CAMK4: variants seen among roughly 807,000 people sequenced by gnomAD.
CAMK4 encodes calcium/calmodulin dependent protein kinase IV, also known as calcium/calmodulin-dependent protein kinase type IV.
In CAMK4, 22 loss-of-function variants were observed where a neutral mutation model predicts 44.9. The observed-to-expected ratio is 0.49, with a 90% confidence interval of 0.35 to 0.70. CAMK4 has a LOEUF of 0.70. Among genes scored for constraint, CAMK4 ranks in the 30% least tolerant of loss-of-function variants. The pLI is 0.01. For synonymous variants in CAMK4, 218 were observed against 215.4 expected (o/e 1.01, Z -0.11); for missense variants, 498 against 586.8 (o/e 0.85, Z 1.56).
At chr5:111,395,211 CAAAAAAAAAAAAAAAAGAAA>C (rs1418963982) in intron 5 of CAMK4, among the ~76,000 whole-genome samples, 4,936 of 90,676 alleles carry the variant, frequency 0.054, 293 homozygotes, top group African/African-American at 0.17. Flanking sequence ...GACCCTGTCT[CAAAAAAAAAAAAAAAAGAAA>C]AAAAAAAAGA....
intron 1 of CAMK4, among the ~76,000 whole-genome samples, chr5:111,236,540 C>G (rs1163106445): frequency 6.6e-6 from 1 of 152,236 alleles, no homozygotes; most frequent in Non-Finnish European, 1.5e-5. Flanking sequence ...TGTCAGACTT[C>G]AGCACTCATG....
intron 1 of CAMK4, among the ~76,000 whole-genome samples, chr5:111,339,708 G>T (rs568250184): frequency 1.3e-5 from 2 of 151,296 alleles, no homozygotes; most frequent in East Asian, 3.9e-4. Context: ...TGACTATTTG[G>T]GGTCTTTTGT....
At position 111,484,480 on chromosome 5, in the gene CAMK4, G is replaced by T; in HGVS notation, c.*14G>T. On this transcript the variant is annotated 3_prime_UTR_variant, in exon 11 of 11. Coordinates refer to ENST00000282356, the MANE Select transcript of CAMK4 (RefSeq NM_001744.6). This position sits in a 1 kb window ranked among gnomAD's most constrained non-coding sequence, Gnocchi z 5.3. ...CCAGAGTACTAAACAGCTTCCTTCA[G>T]ATCTGGAAGCCAAACACCGGCATTT... 1 of 1,473,486 alleles carries T rather than the reference G, an allele frequency of 6.8e-7. No homozygotes were observed. Among genetic ancestry groups the T allele is most frequent in the Non-Finnish European group, 9.0e-7 (1 of 1,105,544 alleles). The allele number at this position is 1,473,486 out of a possible 1,614,324, so 91.3% of individuals were successfully genotyped here. A position where few individuals can be genotyped will look rare whatever the true frequency, so the allele number is the denominator to read the frequency against.
At chr5:111,299,467 TGGTGTGACACACATTCTA>T (rs1398523603) in intron 1 of CAMK4, among the ~76,000 whole-genome samples, 2 of 152,220 alleles carry the variant, frequency 1.3e-5, no homozygotes, top group Admixed American at 6.5e-5. Flanking sequence ...ACCTGGCACT[TGGTGTGACACACATTCTA>T]GATCTTAAAG....
chr5:111,323,635 GTCT>G (rs1191247908), intron 1 of CAMK4, among the ~76,000 whole-genome samples: 2 of 151,894 alleles, frequency 1.3e-5, no homozygotes, highest in African/African-American at 4.8e-5. Flanking sequence ...AATAAAACCT[GTCT>G]TCCCAGAATT....
At position 111,435,715 on chromosome 5, in the gene CAMK4, G is replaced by T. The variant is rs547775600; in HGVS notation, c.460-10971G>T. Among the ~76,000 whole-genome samples the T allele has an allele frequency of 3.9e-5, 6 of 152,198 alleles. 1 individual carries two copies. In the South Asian group the frequency reaches 1.2e-3, roughly 32 times the overall value. Reference sequence around the variant, plus strand: ...TTCTCCTTAATTGTAGATCATTTTTGAACCTTTTCCCAAGCTTTGAAGTTT... The same window carrying T: ...TTCTCCTTAATTGTAGATCATTTTTTAACCTTTTCCCAAGCTTTGAAGTTT... On this transcript the variant is annotated intron_variant, in intron 5 of 10. Coordinates refer to ENST00000282356, the MANE Select transcript of CAMK4 (RefSeq NM_001744.6).
chr5:111,272,275 A>G (rs914690664), intron 1 of CAMK4, among the ~76,000 whole-genome samples: 2 of 152,128 alleles, frequency 1.3e-5, no homozygotes, highest in Non-Finnish European at 2.9e-5. Context: ...TGTGTCTTTT[A>G]CAAGTATTTT....
intron 1 of CAMK4, among the ~76,000 whole-genome samples, chr5:111,232,360 G>T (rs999442300): frequency 6.6e-6 from 1 of 152,242 alleles, no homozygotes; most frequent in South Asian, 2.1e-4. Flanking sequence ...GTGTCTTTAT[G>T]GGGGAGGGGT....
intron 1 of CAMK4, among the ~76,000 whole-genome samples, chr5:111,309,811 T>C (rs1417749238): frequency 6.6e-6 from 1 of 152,200 alleles, no homozygotes; most frequent in African/African-American, 2.4e-5. Flanking sequence ...TATGGGACTT[T>C]AGACTTGGAA....
At chr5:111,223,942 C>A (rs1393102879), upstream of CAMK4, 1 of 153,586 alleles carries the variant, frequency 6.5e-6, no homozygotes, top group Non-Finnish European at 1.4e-5. This position sits in a 1 kb window ranked among gnomAD's most constrained non-coding sequence, Gnocchi z 4.3. Flanking sequence ...CGCTATCCGG[C>A]GGGGCCGCCC....
In CAMK4 at chr5:111,387,451, T is replaced by G. The variant is rs143933521; in HGVS notation, c.387-7259T>G. On this transcript the variant is annotated intron_variant, in intron 4 of 10. Coordinates refer to ENST00000282356, the MANE Select transcript of CAMK4 (RefSeq NM_001744.6). ...AAGTTTCTAAAAAGATTCATGTTAT[T>G]CCAGCAATATCTAAAACTATGTAAC... Among the ~76,000 whole-genome samples the G allele has an allele frequency of 2.3e-3, 353 of 152,302 alleles. 4 individuals carry two copies. The highest frequency in any genetic ancestry group is 7.7e-3 in the African/African-American group (321 of 41,568).
chr5:111,267,324 A>T (rs190880199), intron 1 of CAMK4, among the ~76,000 whole-genome samples: 6 of 152,276 alleles, frequency 3.9e-5, no homozygotes, highest in Admixed American at 3.9e-4. Flanking sequence ...TATTATGTAT[A>T]TATTATATTA....
intron 1 of CAMK4, among the ~76,000 whole-genome samples, chr5:111,239,149 G>C (rs148011820): frequency 6.6e-6 from 1 of 152,178 alleles, no homozygotes; most frequent in East Asian, 1.9e-4. Flanking sequence ...CAGCTCACAC[G>C]ATCACTTTGG....
intron 1 of CAMK4, among the ~76,000 whole-genome samples, chr5:111,319,335 C>A (rs1748563882): frequency 6.6e-6 from 1 of 152,172 alleles, no homozygotes. Context: ...ACACAGCAGT[C>A]TTGGATTCAG....
At chr5:111,370,368 TTG>T (rs1475838035) in intron 2 of CAMK4, among the ~76,000 whole-genome samples, 4 of 152,232 alleles carry the variant, frequency 2.6e-5, no homozygotes, top group African/African-American at 9.6e-5. Context: ...GAATGCATAT[TTG>T]TGTTAGAAAA....
chr5:111,377,753 G>C (rs1350781778), intron 4 of CAMK4, among the ~76,000 whole-genome samples: 2 of 152,072 alleles, frequency 1.3e-5, no homozygotes, highest in Non-Finnish European at 2.9e-5. Flanking sequence ...ATTAGAAATG[G>C]TAAGAAGCCA....
intron 5 of CAMK4, among the ~76,000 whole-genome samples, chr5:111,412,666 G>A (rs1752671708): frequency 6.6e-6 from 1 of 152,162 alleles, no homozygotes; most frequent in African/African-American, 2.4e-5. Flanking sequence ...GGTAGAAGGT[G>A]GGACTCAACT....
At chr5:111,462,278 C>CA (rs1754671362) in intron 7 of CAMK4, among the ~76,000 whole-genome samples, 1 of 152,346 alleles carries the variant, frequency 6.6e-6, no homozygotes, top group Admixed American at 6.5e-5. Context: ...ACCAGGCCAA[C>CA]CCCGTACTAA....
At chr5:111,226,633 T>C (rs1174169612) in intron 1 of CAMK4, among the ~76,000 whole-genome samples, 2 of 152,212 alleles carry the variant, frequency 1.3e-5, no homozygotes, top group African/African-American at 2.4e-5. Context: ...TTAAATACCG[T>C]GTACAGATGG....
Sources: gnomAD v4.1 joint callset for allele counts (sites outside exome capture counted in the v4.1 genomes callset) on GRCh38, gnomAD v4.1.1 for gene constraint, Gnocchi (gnomAD v3.1) non-coding constraint, MANE v1.5 for transcripts, NCBI Gene and HGNC (gene_info 2026-07-23, HGNC 2026-07-21) for gene names.